Variants in NADSYN1 observed in about 807,000 individuals in gnomAD.
The protein encoded by NADSYN1 is glutamine-dependent NAD(+) synthetase.
A neutral mutation model predicts 99.3 loss-of-function variants in NADSYN1; 80 were observed. The ratio of observed to expected loss-of-function variants is 0.81; its 90% CI spans 0.67 to 0.97. The LOEUF (loss-of-function observed/expected upper bound fraction) is 0.97. Ranked by LOEUF, NADSYN1 falls within the 50% of genes least tolerant of loss-of-function variation. The probability of loss-of-function intolerance (pLI) is 0.00; values close to 1 mark genes in which losing one functional copy is unlikely to be tolerated. For missense variants in NADSYN1, 859 were observed against 948.5 expected, an observed-to-expected ratio of 0.91 and a Z score of 1.24; for synonymous variants, 385 against 372.1, an observed-to-expected ratio of 1.03 and a Z score of -0.40.
chr11:71,492,763 C>T (rs896508711), intron 18 of NADSYN1, among the ~76,000 whole-genome samples: 3 of 152,080 alleles, frequency 2.0e-5, no homozygotes, highest in East Asian at 3.9e-4. Flanking sequence ...TGCGTTTTGA[C>T]GGGGACTGCA....
chr11:71,463,569 G>A (rs2120412932), intron 4 of NADSYN1, 84 bp downstream of exon 4: 1 of 1,360,796 alleles, frequency 7.3e-7, no homozygotes, highest in Non-Finnish European at 1.0e-6. Flanking sequence ...CCGTGCTGGT[G>A]CCCTGGGGAC....
chr11:71,471,673 T>C (rs550994020), intron 5 of NADSYN1, among the ~76,000 whole-genome samples: 1 of 152,272 alleles, frequency 6.6e-6, no homozygotes, highest in South Asian at 2.1e-4. Flanking sequence ...GAGTGCTCAA[T>C]ATGGGATGGC....
At chr11:71,462,291 G>T (rs915906263) in intron 3 of NADSYN1, among the ~76,000 whole-genome samples, 1 of 152,148 alleles carries the variant, frequency 6.6e-6, no homozygotes, top group Non-Finnish European at 1.5e-5. Flanking sequence ...CTACTTGGAG[G>T]TTTCATTTAC....
intron 16 of NADSYN1, among the ~76,000 whole-genome samples, chr11:71,490,580 T>G (rs1949771911): frequency 6.6e-6 from 1 of 152,168 alleles, no homozygotes; most frequent in African/African-American, 2.4e-5. Flanking sequence ...TCAGCTCTGT[T>G]CAGACGACTG....
chr11:71,459,413 CTG>C (rs1184772898), intron 3 of NADSYN1, among the ~76,000 whole-genome samples: 1 of 150,012 alleles, frequency 6.7e-6, no homozygotes, highest in Non-Finnish European at 1.5e-5. Flanking sequence ...ATGGAGGCCT[CTG>C]TGTGTGCTGT....
intron 3 of NADSYN1, chr11:71,459,588 T>A (rs1949536839): frequency 6.5e-6 from 1 of 153,242 alleles, no homozygotes; most frequent in Non-Finnish European, 1.5e-5. Context: ...TGGAGGCCTC[T>A]GCACATGTTC....
At chr11:71,457,693 T>C (rs1949522771) in intron 2 of NADSYN1, among the ~76,000 whole-genome samples, 1 of 152,182 alleles carries the variant, frequency 6.6e-6, no homozygotes, top group African/African-American at 2.4e-5. Context: ...CCCTCGTGCC[T>C]TTCCCAGCTC....
intron 16 of NADSYN1, among the ~76,000 whole-genome samples, chr11:71,486,444 CACCCATCT>C (rs1405555455): frequency 6.6e-6 from 1 of 151,556 alleles, no homozygotes; most frequent in Admixed American, 6.6e-5. Context: ...TCCACCCATC[CACCCATCT>C]GTCTGTCCAT....
At chr11:71,494,844 C>T (rs546920011) in intron 18 of NADSYN1, among the ~76,000 whole-genome samples, 3 of 152,288 alleles carry the variant, frequency 2.0e-5, no homozygotes, top group Non-Finnish European at 2.9e-5. Context: ...CGTGAGCCAC[C>T]GCGTCTGGCC....
chr11:71,489,585 C>A (rs1368094868), intron 16 of NADSYN1, among the ~76,000 whole-genome samples: 1 of 152,228 alleles, frequency 6.6e-6, no homozygotes, highest in African/African-American at 2.4e-5. Context: ...TCTCCCCTGG[C>A]CCATCTGGCC....
At chr11:71,466,799 C>T (rs1297622518) in intron 5 of NADSYN1, 1 of 152,210 alleles carries the variant, frequency 6.6e-6, no homozygotes, top group Non-Finnish European at 1.5e-5. Context: ...GCATTTATGT[C>T]TCATTTTCAA....
At chr11:71,498,644 C>A in intron 20 of NADSYN1, 116 bp downstream of exon 20, 2 of 1,150,332 alleles carry the variant, frequency 1.7e-6, no homozygotes, top group Non-Finnish European at 2.5e-6. Flanking sequence ...TTTTTACTGT[C>A]CTCCTTTCTG....
chr11:71,465,050 G>T (rs1351947991), intron 5 of NADSYN1, among the ~76,000 whole-genome samples: 1 of 152,056 alleles, frequency 6.6e-6, no homozygotes, highest in African/African-American at 2.4e-5. Context: ...GTAAAGAGAG[G>T]CAGATTTATT....
chr11:71,478,049 TGGG>T (rs1052179821), intron 9 of NADSYN1, among the ~76,000 whole-genome samples: 5 of 149,784 alleles, frequency 3.3e-5, no homozygotes, highest in Non-Finnish European at 6.0e-5. Flanking sequence ...CTTACTGACA[TGGG>T]GGTGTCTTAC....
chr11:71,497,109 C>T (rs1435663520), intron 18 of NADSYN1: 4 of 267,300 alleles, frequency 1.5e-5, no homozygotes, highest in South Asian at 1.4e-4. Flanking sequence ...AACCCCTGGG[C>T]TCAAGCAGTC....
intron 5 of NADSYN1, among the ~76,000 whole-genome samples, chr11:71,466,946 T>C (rs1328438002): frequency 6.6e-6 from 1 of 152,136 alleles, no homozygotes; most frequent in Admixed American, 6.5e-5. Flanking sequence ...TTGAGTTTTA[T>C]TGTTGATAAC....
intron 2 of NADSYN1, 78 bp from the exon 3 acceptor site, chr11:71,458,350 C>G: frequency 9.2e-7 from 1 of 1,087,324 alleles, no homozygotes; most frequent in Non-Finnish European, 1.4e-6. Context: ...CACGTTCAGA[C>G]TGGACTGGCC....
At chr11:71,501,279 G>C in intron 20 of NADSYN1, 23 bp from the exon 21 acceptor site, 1 of 1,546,748 alleles carries the variant, frequency 6.5e-7, no homozygotes, top group Non-Finnish European at 8.7e-7. Flanking sequence ...CGGGGCTGTG[G>C]TGTCACAGGC....
intron 16 of NADSYN1, 67 bp downstream of exon 16, chr11:71,485,715 C>A: frequency 8.6e-7 from 1 of 1,158,290 alleles, no homozygotes; most frequent in Non-Finnish European, 1.2e-6. Flanking sequence ...AGGTGATACG[C>A]TGTGAGATTC....
Sources: allele counts gnomAD v4.1 joint callset (sites outside exome capture counted in the v4.1 genomes callset), GRCh38; gene constraint gnomAD v4.1.1; transcripts MANE v1.5; gene names NCBI Gene and HGNC (gene_info 2026-07-23, HGNC 2026-07-21).